The following LIN28A variants were observed in gnomAD, a reference collection of about 807,000 sequenced individuals.
LIN28A encodes the protein lin-28 RNA binding posttranscriptional regulator A.
In LIN28A, 11 loss-of-function variants were observed where a neutral mutation model predicts 21.1. The ratio of observed to expected loss-of-function variants is 0.52; its 90% CI spans 0.33 to 0.86. The LOEUF is 0.86. Among genes scored for constraint, LIN28A ranks in the 40% least tolerant of loss-of-function variants. The probability of loss-of-function intolerance (pLI) is 0.03; values close to 1 mark genes in which losing one functional copy is unlikely to be tolerated. For synonymous variants in LIN28A, 111 were observed against 108.7 expected (o/e 1.02, Z -0.13); for missense variants, 219 against 279.8 (o/e 0.78, Z 1.55).
intron 2 of LIN28A, among the ~76,000 whole-genome samples, chr1:26,412,909 C>T (rs2124282979): frequency 6.6e-6 from 1 of 152,176 alleles, no homozygotes; most frequent in Non-Finnish European, 1.5e-5. Flanking sequence ...GAACATCTGC[C>T]AAGAGGACCT....
chr1:26,413,825 CTT>C (rs755305206), intron 2 of LIN28A, among the ~76,000 whole-genome samples: 38 of 100,372 alleles, frequency 3.8e-4, no homozygotes, highest in African/African-American at 7.4e-4. Context: ...TTGTTTGTTG[CTT>C]TTTTTTTTTT....
chr1:26,423,421 T>C (rs1251994599), intron 2 of LIN28A, among the ~76,000 whole-genome samples: 4 of 125,576 alleles, frequency 3.2e-5, no homozygotes, highest in South Asian at 2.6e-4. Flanking sequence ...TTCTTTTTTT[T>C]TTTTTTTTTT....
At position 26,426,737 on chromosome 1, in the gene LIN28A, T is replaced by C. The variant is rs1256983753; in HGVS notation, c.*279T>C. On this transcript the variant is annotated 3_prime_UTR_variant, in exon 4 of 4. Transcript: ENST00000326279. ...ATACTTTGAGTCTCCATCCCCAGAA[T>C]TTCCAGCTTTTGAAAGTGGCCTGGA... The C allele has an allele frequency of 7.7e-6, 3 of 389,146 alleles. No homozygotes were observed. Among genetic ancestry groups the C allele is most frequent in the Non-Finnish European group, 1.4e-5 (3 of 208,082 alleles). The allele number at this position is 389,146 out of a possible 1,614,324, so 24.1% of individuals were successfully genotyped here.
At chr1:26,423,702 G>A (rs2075041586) in intron 2 of LIN28A, among the ~76,000 whole-genome samples, 1 of 151,938 alleles carries the variant, frequency 6.6e-6, no homozygotes, top group African/African-American at 2.4e-5. Flanking sequence ...ATGAGCCATT[G>A]CGCACGGCCC....
intron 2 of LIN28A, among the ~76,000 whole-genome samples, chr1:26,416,731 C>T (rs1327658498): frequency 6.6e-6 from 1 of 152,140 alleles, no homozygotes; most frequent in Non-Finnish European, 1.5e-5. Flanking sequence ...GATTTTCCTG[C>T]CTCAGCCACC....
intron 2 of LIN28A, among the ~76,000 whole-genome samples, chr1:26,416,226 CAA>C (rs2074992314): frequency 1.3e-5 from 2 of 152,114 alleles, no homozygotes; most frequent in South Asian, 4.1e-4. Context: ...CTCCTGACCT[CAA>C]GTGATCCACC....
intron 2 of LIN28A, among the ~76,000 whole-genome samples, chr1:26,414,407 A>C (rs536287544): frequency 6.6e-6 from 1 of 151,904 alleles, no homozygotes; most frequent in Non-Finnish European, 1.5e-5. Context: ...ATTTAAAAAC[A>C]TTTTCTTTTC....
intron 2 of LIN28A, among the ~76,000 whole-genome samples, chr1:26,417,725 G>A (rs890242354): frequency 6.6e-6 from 1 of 152,202 alleles, no homozygotes; most frequent in Non-Finnish European, 1.5e-5. Flanking sequence ...CACGTAAAGT[G>A]GTTAGAATGC....
At chr1:26,414,706 A>C (rs2074983264) in intron 2 of LIN28A, among the ~76,000 whole-genome samples, 1 of 152,208 alleles carries the variant, frequency 6.6e-6, no homozygotes, top group Non-Finnish European at 1.5e-5. Context: ...CACTATTGAC[A>C]TGTTTTGAGC....
Position 26,426,226 on chromosome 1 carries a change from TCTTGCTTTGTA to T in LIN28A, c.414-13_414-3del. On this transcript the variant is annotated splice_region_variant and splice_polypyrimidine_tract_variant and intron_variant, in intron 3 of 3. Transcript: ENST00000326279. ...TTGCTCCTTTCTCTTACTTTTACGA[TCTTGCTTTGTA>T]CTAGGTGCTACAACTGTGGAGGTCT... 6.2e-7 allele frequency: 1 copy of T among 1,608,814 alleles called. No homozygotes were observed. The highest frequency in any genetic ancestry group is 8.5e-7 in the Non-Finnish European group (1 of 1,175,252).
chr1:26,422,469 G>A (rs572722463), intron 2 of LIN28A, among the ~76,000 whole-genome samples: 2 of 127,628 alleles, frequency 1.6e-5, no homozygotes, highest in South Asian at 4.9e-4. Context: ...GGATTTCATT[G>A]AACTGTTCAG....
chr1:26,418,520 T>C (rs2075010217), intron 2 of LIN28A, among the ~76,000 whole-genome samples: 1 of 148,826 alleles, frequency 6.7e-6, no homozygotes, highest in Admixed American at 6.8e-5. Flanking sequence ...CACTCCGGCC[T>C]GGGCAACAGA....
rs376315737 is a variant in LIN28A at position 26,416,779 on chromosome 1, G to T, written c.228+5197G>T. Among the ~76,000 whole-genome samples the T allele has an allele frequency of 4.6e-5, 7 of 152,016 alleles. No individual in the cohort carries two copies. In the South Asian group the frequency reaches 1.5e-3, roughly 32 times the overall value. On this transcript the variant is annotated intron_variant, in intron 2 of 3. Coordinates refer to ENST00000326279, the MANE Select transcript of LIN28A (RefSeq NM_024674.6). ...ATTAGAGGCACCTGCCACCATGCCCGGCTAATGTTTTGTATTTTTAGTAGA... is the reference window on the plus strand; with the variant it reads ...ATTAGAGGCACCTGCCACCATGCCCTGCTAATGTTTTGTATTTTTAGTAGA...
intron 3 of LIN28A, 66 bp from the exon 4 acceptor site, chr1:26,426,176 T>C (rs2075058187): frequency 2.3e-6 from 3 of 1,328,594 alleles, no homozygotes. Context: ...GGTGTCCTCA[T>C]TCGTGGGAGG....
chr1:26,414,414 T>TGAA (rs2074981708), intron 2 of LIN28A, among the ~76,000 whole-genome samples: 1 of 152,096 alleles, frequency 6.6e-6, no homozygotes, highest in Admixed American at 6.5e-5. Context: ...AACATTTTCT[T>TGAA]TTCCTTTCCA....
intron 2 of LIN28A, among the ~76,000 whole-genome samples, chr1:26,414,050 A>C (rs1383491968): frequency 6.6e-6 from 1 of 151,818 alleles, no homozygotes; most frequent in Non-Finnish European, 1.5e-5. Flanking sequence ...GCTGGTCTTG[A>C]ACTCCTGACC....
Position 26,426,346 on chromosome 1 carries a change from C to T in LIN28A, c.518C>T (p.Ser173Leu), listed in dbSNP as rs757323309. The change falls in exon 4 of 4, where the codon TCA becomes TTA. Residue 173 changes from serine to leucine, a missense_variant. Around this residue, in one of 3 missense-constraint regions of LIN28A, gnomAD observed 124 missense variants for 193.1 expected, o/e 0.64. Coordinates refer to ENST00000326279, the MANE Select transcript of LIN28A (RefSeq NM_024674.6). ...CAGAGCATCAGCCATATGGTAGCCT[C>T]ATGTCCGCTGAAGGCCCAGCAGGGC... ...FCQSISHMVASCPLKAQQGPS... is the reference protein window; with the variant it reads ...FCQSISHMVALCPLKAQQGPS... The T allele has an allele frequency of 3.1e-6, 5 of 1,614,218 alleles. No individual in the cohort carries two copies. In the South Asian group the frequency reaches 4.4e-5, roughly 14 times the overall value.
Position 26,411,127 on chromosome 1 carries a change from G to A in LIN28A, c.31+205G>A, listed in dbSNP as rs545763902. Among the ~76,000 whole-genome samples, 1 of 152,332 alleles carries A rather than the reference G, an allele frequency of 6.6e-6. No homozygotes were observed. The highest frequency in any genetic ancestry group is 1.9e-4 in the East Asian group (1 of 5,186). On this transcript the variant is annotated intron_variant, in intron 1 of 3. Coordinates refer to ENST00000326279, the MANE Select transcript of LIN28A (RefSeq NM_024674.6). The surrounding 1 kb of genome is among the most constrained non-coding windows in gnomAD (Gnocchi z 5.4). ...AGACTACGTGGGTGGATGGAGAGGA[G>A]AGGCTTGTCCCGCCGTGAGTCTCTG...
chr1:26,428,643 T>G lies in LIN28A; in HGVS notation c.*2185T>G, dbSNP rs1235160231. The G allele has an allele frequency of 6.6e-6, 1 of 151,616 alleles. No homozygotes were observed. The highest frequency in any genetic ancestry group is 6.6e-5 in the Admixed American group (1 of 15,206). 9.4% of individuals were successfully genotyped at this position (151,616 alleles called of 1,614,324 possible). A position where few individuals can be genotyped will look rare whatever the true frequency, so the allele number is the denominator to read the frequency against. On this transcript the variant is annotated 3_prime_UTR_variant, in exon 4 of 4. Transcript: ENST00000326279. ...GCAGCCTCTGCCTCTTGGGTTCAAG[T>G]GATTCTCCTGCCTCAGCCTCCTGAG... is the stretch of plus-strand genomic sequence containing the variant.
Sources: gnomAD v4.1 joint callset for allele counts (sites outside exome capture counted in the v4.1 genomes callset) on GRCh38, gnomAD v4.1.1 for gene constraint, gnomAD v4.1.1 regional missense constraint, Gnocchi (gnomAD v3.1) non-coding constraint, MANE v1.5 for transcripts, NCBI Gene and HGNC (gene_info 2026-07-23, HGNC 2026-07-21) for gene names.